Variants in PDE2A observed in about 807,000 individuals in gnomAD.
The protein encoded by PDE2A is cGMP-dependent 3',5'-cyclic phosphodiesterase.
In PDE2A, 53 loss-of-function variants were observed where a neutral mutation model predicts 133.6. The observed-to-expected ratio is 0.40, with a 90% CI of 0.32 to 0.50. The LOEUF (loss-of-function observed/expected upper bound fraction) is 0.50, where lower values mean the gene tolerates loss of function less well. Ranked by LOEUF, PDE2A falls within the 20% of genes least tolerant of loss-of-function variation. PDE2A has a pLI of 0.73. For synonymous variants in PDE2A, 491 were observed against 490.2 expected (o/e 1.00, Z -0.02); for missense variants, 796 against 1,232.4 (o/e 0.65, Z 5.30).
intron 13 of PDE2A, among the ~76,000 whole-genome samples, chr11:72,586,844 C>G (rs774564287): frequency 6.6e-6 from 1 of 152,242 alleles, no homozygotes; most frequent in Non-Finnish European, 1.5e-5. Context: ...CCCTTCCCCA[C>G]TTTTTGGCTG....
Position 72,674,157 on chromosome 11 carries a change from C to G in PDE2A, c.51G>C (p.Pro17=), listed in dbSNP as rs755932090. ...HSILCRSQQY[P]AARPAEPRGQ... ...CTCACGGCTCAGCCGGTCGCGCTGCCGGGTACTGCTGGCTCCTGCAGAGGA... is the reference window on the plus strand; with the variant it reads ...CTCACGGCTCAGCCGGTCGCGCTGCGGGGTACTGCTGGCTCCTGCAGAGGA... The change falls in exon 1 of 31, where the codon CCG becomes CCC. Residue 17 remains proline (P), a synonymous_variant. Transcript: ENST00000334456. The G allele has an allele frequency of 2.5e-6, 4 of 1,613,202 alleles. No homozygotes were observed. The highest frequency in any genetic ancestry group is 2.2e-5 in the South Asian group (2 of 91,068).
chr11:72,655,211 C>T (rs1001142864), intron 1 of PDE2A, among the ~76,000 whole-genome samples: 5 of 152,228 alleles, frequency 3.3e-5, no homozygotes, highest in African/African-American at 1.2e-4. Flanking sequence ...TGGCGCCACA[C>T]TCCCCTGGGC....
At chr11:72,616,613 C>A (rs1857487003) in intron 2 of PDE2A, among the ~76,000 whole-genome samples, 1 of 152,218 alleles carries the variant, frequency 6.6e-6, no homozygotes, top group African/African-American at 2.4e-5. Context: ...TGAGACCTCT[C>A]AAAGCCTCCC....
rs1856555957 is a variant in PDE2A at position 72,597,799 on chromosome 11, T to A, written c.324-180A>T. Among the ~76,000 whole-genome samples the A allele has an allele frequency of 6.6e-6, 1 of 152,168 alleles. No individual in the cohort carries two copies. Among genetic ancestry groups the A allele is most frequent in the South Asian group, 2.1e-4 (1 of 4,830 alleles). ...AAAGTAGGGGACCCTGGACCCTATG[T>A]GGAGAAACAGGCAGCCACAGTTTGG... On this transcript the variant is annotated intron_variant, in intron 4 of 30. Transcript: ENST00000334456. This position sits in a 1 kb window ranked among gnomAD's most constrained non-coding sequence, Gnocchi z 4.6.
At chr11:72,599,993 G>A (rs931338879) in intron 4 of PDE2A, among the ~76,000 whole-genome samples, 1 of 152,246 alleles carries the variant, frequency 6.6e-6, no homozygotes, top group African/African-American at 2.4e-5. Flanking sequence ...AGAGGTTATC[G>A]AGGCAGACAG....
intron 1 of PDE2A, among the ~76,000 whole-genome samples, chr11:72,673,503 AC>A (rs894556383): frequency 6.6e-6 from 1 of 151,912 alleles, no homozygotes; most frequent in African/African-American, 2.4e-5. Flanking sequence ...ACCCCCCTGC[AC>A]GTGGACACAC....
Position 72,674,227 on chromosome 11 carries a change from C to A in PDE2A, c.-20G>T. ...CCCCATCACTCCTCATCGTCCGCCT[C>A]CCCAGCCAGACTAAGGTGGCACCTC... On this transcript the variant is annotated 5_prime_UTR_variant, in exon 1 of 31. Coordinates refer to ENST00000334456, the MANE Select transcript of PDE2A (RefSeq NM_002599.5). 1 of 1,603,002 alleles carries A rather than the reference C, an allele frequency of 6.2e-7. No individual in the cohort carries two copies. The highest frequency in any genetic ancestry group is 1.1e-5 in the South Asian group (1 of 90,424).
intron 3 of PDE2A, among the ~76,000 whole-genome samples, chr11:72,606,528 G>C (rs756591414): frequency 2.0e-5 from 3 of 152,218 alleles, no homozygotes; most frequent in Non-Finnish European, 4.4e-5. Context: ...TTCCGTGGTG[G>C]GTGTGGCATG....
chr11:72,586,660 G>A (rs73542579), intron 13 of PDE2A, among the ~76,000 whole-genome samples: 6,424 of 152,296 alleles, frequency 0.042, 288 homozygotes, highest in African/African-American at 0.12. Flanking sequence ...CCTGCTCATG[G>A]AGCTAGCTCT....
intron 2 of PDE2A, among the ~76,000 whole-genome samples, chr11:72,617,286 G>A (rs1348791644): frequency 6.6e-6 from 1 of 152,234 alleles, no homozygotes; most frequent in African/African-American, 2.4e-5. Flanking sequence ...AGGGCGGGGA[G>A]GAAGGGCCAG....
intron 1 of PDE2A, among the ~76,000 whole-genome samples, chr11:72,647,403 A>G (rs1190775894): frequency 2.0e-5 from 3 of 152,178 alleles, no homozygotes; most frequent in Admixed American, 6.5e-5. Context: ...TTGAGTGCTC[A>G]GGAAGCTGAG....
chr11:72,590,508 T>C lies in PDE2A; in HGVS notation c.622A>G (p.Asn208Asp). 1 of 1,486,828 alleles carries C rather than the reference T, an allele frequency of 6.7e-7. No individual in the cohort carries two copies. Among genetic ancestry groups the C allele is most frequent in the East Asian group, 2.5e-5 (1 of 40,694 alleles). 92.1% of individuals were successfully genotyped at this position (1,486,828 alleles called of 1,614,324 possible). The change falls in exon 8 of 31, where the codon AAC becomes GAC. Residue 208 changes from asparagine to aspartate, a missense_variant. Coordinates refer to ENST00000334456, the MANE Select transcript of PDE2A (RefSeq NM_002599.5). This position sits in a 1 kb window ranked among gnomAD's most constrained non-coding sequence, Gnocchi z 4.8. Reference sequence around the variant, plus strand: ...TCTTCCGCCGTCCCCTCCGGGGGGTTCTGGACGGCTCGGGGAGCCTCCCTG... The same window carrying C: ...TCTTCCGCCGTCCCCTCCGGGGGGTCCTGGACGGCTCGGGGAGCCTCCCTG... ...GPREAPRAVQ[N>D]PPEGTAEDQK...
intron 18 of PDE2A, 65 bp downstream of exon 18, chr11:72,584,486 C>G (rs148038373): frequency 1.1e-5 from 17 of 1,517,304 alleles, no homozygotes; most frequent in South Asian, 3.6e-5. Flanking sequence ...GTTGCCACCC[C>G]CGCTCGCTCG....
At chr11:72,656,287 A>G (rs888944950) in intron 1 of PDE2A, among the ~76,000 whole-genome samples, 1 of 152,152 alleles carries the variant, frequency 6.6e-6, no homozygotes, top group African/African-American at 2.4e-5. Flanking sequence ...ATGGGGCTAA[A>G]GGTTTATTCT....
In PDE2A at chr11:72,589,190, C is replaced by T. The variant is rs749675201; in HGVS notation, c.924G>A (p.Leu308=). ...CATGACTTACGGAGGTGAGGTCCTTCAGCTGGATGGACTTCTTGTCTTCCA... is the reference window on the plus strand; with the variant it reads ...CATGACTTACGGAGGTGAGGTCCTTTAGCTGGATGGACTTCTTGTCTTCCA... ...QVVEDKKSIQ[L]KDLTSEDVQQ... is the part of the protein sequence containing the mutation. Residue 308 remains leucine (L), a synonymous_variant, in exon 12 of 31, where the codon CTG becomes CTA. Coordinates refer to ENST00000334456, the MANE Select transcript of PDE2A (RefSeq NM_002599.5). The T allele has an allele frequency of 6.2e-7, 1 of 1,613,830 alleles. No homozygotes were observed. The highest frequency in any genetic ancestry group is 1.7e-5 in the Admixed American group (1 of 60,000).
At chr11:72,641,927 G>T (rs113312603) in intron 2 of PDE2A, among the ~76,000 whole-genome samples, 3,500 of 152,152 alleles carry the variant, frequency 0.023, 138 homozygotes, top group African/African-American at 0.08. Flanking sequence ...GTTCCGAGGC[G>T]TGGGCAGGGT....
chr11:72,592,528 G>A (rs1274703592), intron 6 of PDE2A, among the ~76,000 whole-genome samples: 1 of 152,226 alleles, frequency 6.6e-6, no homozygotes, highest in Non-Finnish European at 1.5e-5. Context: ...GCTCAGAGGG[G>A]AGGACATTTG....
intron 17 of PDE2A, 55 bp from the exon 18 acceptor site, chr11:72,584,783 G>A: frequency 6.2e-7 from 1 of 1,610,448 alleles, no homozygotes; most frequent in Non-Finnish European, 8.5e-7. Context: ...GGCCACAGAG[G>A]GGACTGTTAA....
chr11:72,674,027 T>G, intron 1 of PDE2A, 110 bp downstream of exon 1: 3 of 1,092,446 alleles, frequency 2.7e-6, no homozygotes, highest in Non-Finnish European at 4.0e-6. Flanking sequence ...GATCGATCCT[T>G]CCACGTGGCT....
Sources: gnomAD v4.1 joint callset for allele counts (sites outside exome capture counted in the v4.1 genomes callset) on GRCh38, gnomAD v4.1.1 for gene constraint, Gnocchi (gnomAD v3.1) non-coding constraint, MANE v1.5 for transcripts, NCBI Gene and HGNC (gene_info 2026-07-23, HGNC 2026-07-21) for gene names.